The following DACH1 variants were observed in gnomAD, a reference collection of about 807,000 sequenced individuals.
The protein encoded by DACH1 is dachshund homolog 1.
In DACH1, 12 loss-of-function variants were observed where a neutral mutation model predicts 54.2. That is an observed-to-expected ratio of 0.22 (90% confidence interval 0.14 to 0.36). The LOEUF is 0.36. Ranked by LOEUF, DACH1 falls within the 10% of genes least tolerant of loss-of-function variation. The probability of loss-of-function intolerance (pLI) is 1.00; values close to 1 mark genes in which losing one functional copy is unlikely to be tolerated. For synonymous variants in DACH1, 386 were observed against 366.2 expected, an observed-to-expected ratio of 1.05 and a Z score of -0.62; for missense variants, 805 against 929.8, an observed-to-expected ratio of 0.87 and a Z score of 1.75.
intron 6 of DACH1, among the ~76,000 whole-genome samples, chr13:71,501,027 T>C (rs1012322522): frequency 2.6e-5 from 4 of 152,144 alleles, no homozygotes; most frequent in Non-Finnish European, 4.4e-5. Context: ...AAATTGTCAA[T>C]CAAAGAGTCT....
rs542613437 is a variant in DACH1 at position 71,451,326 on chromosome 13, G to T, written c.2084-10634C>A. ...AAGTATAATGCTTCACTATCCTACA[G>T]AAATTTCTGAAAGACTGGCTATAAA... On this transcript the variant is annotated intron_variant, in intron 10 of 10. Coordinates refer to ENST00000613252, the MANE Select transcript of DACH1 (RefSeq NM_080759.6). 2.6e-5 allele frequency among the ~76,000 whole-genome samples: 4 copies of T among 152,224 alleles called. No individual in the cohort carries two copies. In the East Asian group the frequency reaches 7.7e-4, roughly 29 times the overall value.
intron 1 of DACH1, among the ~76,000 whole-genome samples, chr13:71,742,468 T>G (rs943874740): frequency 1.1e-4 from 16 of 151,976 alleles, no homozygotes; most frequent in African/African-American, 3.9e-4. Context: ...CTAACCACTA[T>G]CAAGCAAAAA....
chr13:71,575,704 T>C (rs1364127698), intron 3 of DACH1, among the ~76,000 whole-genome samples: 1 of 152,110 alleles, frequency 6.6e-6, no homozygotes, highest in Non-Finnish European at 1.5e-5. Context: ...CAAGCATTCA[T>C]ATGTGAATTT....
At chr13:71,466,375 TTC>T (rs1332110203) in intron 10 of DACH1, among the ~76,000 whole-genome samples, 1 of 152,208 alleles carries the variant, frequency 6.6e-6, no homozygotes, top group Admixed American at 6.5e-5. Context: ...CATTTATATT[TTC>T]TGTTAATAAC....
intron 3 of DACH1, among the ~76,000 whole-genome samples, chr13:71,618,628 G>GTT (rs200023662): frequency 3.3e-5 from 5 of 150,674 alleles, no homozygotes; most frequent in African/African-American, 1.2e-4. Context: ...CAGAATTAGG[G>GTT]TTTTTTTTTA....
chr13:71,817,002 C>A (rs112057886), intron 1 of DACH1, among the ~76,000 whole-genome samples: 2,493 of 152,050 alleles, frequency 0.016, 62 homozygotes, highest in African/African-American at 0.056. Context: ...GTACAACAAA[C>A]CCCCATGACA....
At chr13:71,498,667 A>AAAAG (rs1879650887) in intron 6 of DACH1, among the ~76,000 whole-genome samples, 1 of 150,580 alleles carries the variant, frequency 6.6e-6, no homozygotes. Context: ...GAAAAAAAAA[A>AAAAG]AAAACCACCA....
intron 1 of DACH1, among the ~76,000 whole-genome samples, chr13:71,822,180 C>T (rs1391352370): frequency 6.6e-6 from 1 of 152,066 alleles, no homozygotes; most frequent in African/African-American, 2.4e-5. Context: ...GCTTATGAGT[C>T]TTTTAGTGTC....
intron 2 of DACH1, among the ~76,000 whole-genome samples, chr13:71,635,952 T>G (rs563949899): frequency 3.9e-5 from 6 of 152,106 alleles, no homozygotes; most frequent in East Asian, 1.9e-4. Context: ...GGCTAATTTT[T>G]GGGGTATTTT....
intron 1 of DACH1, among the ~76,000 whole-genome samples, chr13:71,710,041 G>T (rs1010056056): frequency 6.6e-6 from 1 of 151,880 alleles, no homozygotes; most frequent in African/African-American, 2.4e-5. Context: ...TAAAGATGGG[G>T]TTTCACCATG....
At chr13:71,667,423 T>C (rs1879912212) in intron 2 of DACH1, among the ~76,000 whole-genome samples, 1 of 152,008 alleles carries the variant, frequency 6.6e-6, no homozygotes, top group Non-Finnish European at 1.5e-5. Flanking sequence ...CTAATGGGAG[T>C]GATAATGCTG....
chr13:71,729,445 A>G (rs1211020240), intron 1 of DACH1, among the ~76,000 whole-genome samples: 1 of 152,060 alleles, frequency 6.6e-6, no homozygotes, highest in Non-Finnish European at 1.5e-5. Flanking sequence ...GGAAAGCATC[A>G]ACATGGCAAT....
At position 71,579,736 on chromosome 13, in the gene DACH1, A is replaced by T. The variant is rs117239550; in HGVS notation, c.1127-6724T>A. On this transcript the variant is annotated intron_variant, in intron 3 of 10. Coordinates refer to ENST00000613252, the MANE Select transcript of DACH1 (RefSeq NM_080759.6). Reference sequence around the variant, plus strand: ...TTCAGAAAGTTTTGATGCAACTCAAACTAAAAGAAGTAGGGTCATAATTAT... The same window carrying T: ...TTCAGAAAGTTTTGATGCAACTCAATCTAAAAGAAGTAGGGTCATAATTAT... Among the ~76,000 whole-genome samples, 785 of 152,236 alleles carry T rather than the reference A, an allele frequency of 5.2e-3. 5 individuals carry two copies. The highest frequency in any genetic ancestry group is 8.0e-3 in the Non-Finnish European group (541 of 67,964).
intron 1 of DACH1, among the ~76,000 whole-genome samples, chr13:71,843,825 T>C (rs1873046203): frequency 6.6e-6 from 1 of 152,200 alleles, no homozygotes; most frequent in Non-Finnish European, 1.5e-5. Flanking sequence ...ATCAGGGTCA[T>C]TTAAGAGGAT....
chr13:71,736,192 A>G (rs1422947078), intron 1 of DACH1, among the ~76,000 whole-genome samples: 1 of 152,180 alleles, frequency 6.6e-6, no homozygotes, highest in Non-Finnish European at 1.5e-5. Context: ...ACCAAAGAGT[A>G]ATAATTATTG....
At chr13:71,554,150 A>C (rs1884085818) in intron 6 of DACH1, among the ~76,000 whole-genome samples, 1 of 152,144 alleles carries the variant, frequency 6.6e-6, no homozygotes, top group African/African-American at 2.4e-5. Flanking sequence ...GAAAGAAAAC[A>C]ATTTTTAATT....
At chr13:71,795,658 G>C (rs1296660847) in intron 1 of DACH1, among the ~76,000 whole-genome samples, 2 of 152,090 alleles carry the variant, frequency 1.3e-5, no homozygotes, top group Non-Finnish European at 2.9e-5. Context: ...CTGAGAAAAA[G>C]CAAACAAACA....
At chr13:71,675,559 TTAGA>T (rs1880512548) in intron 2 of DACH1, 2 of 787,044 alleles carry the variant, frequency 2.5e-6, no homozygotes, top group Admixed American at 5.0e-5. Flanking sequence ...GTTCTGAACG[TTAGA>T]TATTTTTTTT....
chr13:71,505,499 T>C (rs1219383867), intron 6 of DACH1, among the ~76,000 whole-genome samples: 2 of 152,200 alleles, frequency 1.3e-5, no homozygotes, highest in Admixed American at 6.6e-5. Context: ...TCTGTGTGTG[T>C]GTGTGTTTGT....
Sources: gnomAD v4.1 joint callset for allele counts (sites outside exome capture counted in the v4.1 genomes callset) on GRCh38, gnomAD v4.1.1 for gene constraint, MANE v1.5 for transcripts, NCBI Gene and HGNC (gene_info 2026-07-23, HGNC 2026-07-21) for gene names.